The following SLC24A2 variants were observed in gnomAD, a reference collection of about 807,000 sequenced individuals.
SLC24A2 encodes sodium/potassium/calcium exchanger 2.
Under a neutral mutation model 62.0 loss-of-function variants are expected in SLC24A2, and 36 were observed. That is an observed-to-expected ratio of 0.58 (90% confidence interval 0.44 to 0.77). SLC24A2 has a LOEUF of 0.77. SLC24A2 is among the 30% of genes least tolerant of loss of function. The probability of loss-of-function intolerance (pLI) is 0.00; values close to 1 mark genes in which losing one functional copy is unlikely to be tolerated. For synonymous variants in SLC24A2, 358 were observed against 294.0 expected (o/e 1.22, Z -2.23); for missense variants, 846 against 817.9 (o/e 1.03, Z -0.42).
At chr9:19,579,232 T>G (rs4977566) in intron 5 of SLC24A2, among the ~76,000 whole-genome samples, 140,038 of 152,020 alleles carry the variant, frequency 0.92, 64,558 homozygotes, top group East Asian at 1. Context: ...AAAGGAAAAA[T>G]AGAGAAAAAG....
chr9:20,228,690 T>C, the SLC24A2 span, among the ~76,000 whole-genome samples: 1 of 152,202 alleles, frequency 6.6e-6, no homozygotes, highest in Non-Finnish European at 1.5e-5. Flanking sequence ...AAAGCAAAGA[T>C]TGTGATGACC....
At chr9:19,993,084 A>C in the SLC24A2 span, among the ~76,000 whole-genome samples, 2 of 152,184 alleles carry the variant, frequency 1.3e-5, no homozygotes, top group African/African-American at 4.8e-5. Context: ...CAACCCCATA[A>C]GGTAGCATCA....
At chr9:20,270,365 G>A in the SLC24A2 span, among the ~76,000 whole-genome samples, 1 of 152,140 alleles carries the variant, frequency 6.6e-6, no homozygotes, top group African/African-American at 2.4e-5. Context: ...GGGAATAATG[G>A]TAAGGAGTTT....
At chr9:19,531,303 T>C (rs1451221418) in intron 8 of SLC24A2, among the ~76,000 whole-genome samples, 3 of 152,206 alleles carry the variant, frequency 2.0e-5, no homozygotes, top group Non-Finnish European at 2.9e-5. Flanking sequence ...CTCTGCCCAG[T>C]AGCAACTGTA....
chr9:20,074,362 TC>T, the SLC24A2 span, among the ~76,000 whole-genome samples: 1 of 151,900 alleles, frequency 6.6e-6, no homozygotes, highest in Admixed American at 6.6e-5. Context: ...TGACATGGCA[TC>T]ATTGCTCAAT....
intron 8 of SLC24A2, among the ~76,000 whole-genome samples, chr9:19,548,961 TAAG>T (rs1274487264): frequency 6.6e-6 from 1 of 152,288 alleles, no homozygotes; most frequent in East Asian, 1.9e-4. Flanking sequence ...GGTCCTATAC[TAAG>T]AAGTAGAGCT....
chr9:19,720,574 G>T (rs1045735099), intron 2 of SLC24A2, among the ~76,000 whole-genome samples: 20 of 152,118 alleles, frequency 1.3e-4, no homozygotes, highest in Non-Finnish European at 4.4e-5. Context: ...ACTGCTAGAA[G>T]AAAGCTGTAG....
At chr9:19,682,983 A>C (rs1390452173) in intron 2 of SLC24A2, among the ~76,000 whole-genome samples, 1 of 152,184 alleles carries the variant, frequency 6.6e-6, no homozygotes, top group Non-Finnish European at 1.5e-5. Flanking sequence ...AAAGGTTTAG[A>C]GTAAAAAATA....
chr9:20,043,285 T>C, the SLC24A2 span, among the ~76,000 whole-genome samples: 3 of 152,202 alleles, frequency 2.0e-5, no homozygotes, highest in East Asian at 3.9e-4. Flanking sequence ...ATTACCTATA[T>C]GGAGATATAC....
rs1412511176 is a variant in SLC24A2 at position 19,508,058 on chromosome 9, C to T, written c.*8095G>A. The stretch of plus-strand genomic sequence containing the variant: ...CTCTTGCTTTTAGTGCTAGCAGCAA[C>T]TTCACTGAATCAGGAAGGTAGCTTT... On this transcript the variant is annotated 3_prime_UTR_variant, in exon 11 of 11. Transcript: ENST00000341998. 1 of 152,242 alleles carries T rather than the reference C, an allele frequency of 6.6e-6. No homozygotes were observed. The highest frequency in any genetic ancestry group is 1.5e-5 in the Non-Finnish European group (1 of 68,040). 9.4% of individuals were successfully genotyped at this position (152,242 alleles called of 1,614,324 possible).
At chr9:19,615,870 C>T (rs1817754145) in intron 4 of SLC24A2, among the ~76,000 whole-genome samples, 1 of 152,090 alleles carries the variant, frequency 6.6e-6, no homozygotes, top group African/African-American at 2.4e-5. Context: ...CAAAACATAA[C>T]CTCTTCTCCA....
chr9:19,687,449 G>A (rs1819916539), intron 2 of SLC24A2, among the ~76,000 whole-genome samples: 1 of 152,038 alleles, frequency 6.6e-6, no homozygotes, highest in African/African-American at 2.4e-5. Flanking sequence ...AAATCAATTA[G>A]GGAGCAAACA....
chr9:19,926,223 T>G, the SLC24A2 span: 1 of 152,390 alleles, frequency 6.6e-6, no homozygotes, highest in Non-Finnish European at 1.5e-5. Flanking sequence ...CCTTTCTCCC[T>G]GCAGGGTGGG....
chr9:20,215,137 C>T, the SLC24A2 span, among the ~76,000 whole-genome samples: 2 of 152,178 alleles, frequency 1.3e-5, no homozygotes, highest in African/African-American at 4.8e-5. Flanking sequence ...AGTCAGTTGC[C>T]TGGTTCATAG....
intron 7 of SLC24A2, among the ~76,000 whole-genome samples, chr9:19,551,343 G>A (rs922573576): frequency 6.6e-6 from 1 of 152,230 alleles, no homozygotes; most frequent in African/African-American, 2.4e-5. Context: ...CCAATGGCCA[G>A]CGTTTTATTT....
the SLC24A2 span, among the ~76,000 whole-genome samples, chr9:19,866,245 T>C: frequency 2.6e-5 from 4 of 152,212 alleles, no homozygotes; most frequent in Non-Finnish European, 5.9e-5. Flanking sequence ...TCATACACTG[T>C]TGGTGCGAAT....
the SLC24A2 span, among the ~76,000 whole-genome samples, chr9:20,135,910 T>C: frequency 6.6e-6 from 1 of 152,074 alleles, no homozygotes; most frequent in South Asian, 2.1e-4. Context: ...CCACTCAAAA[T>C]TGGTGTTGGA....
At chr9:20,266,882 C>A in the SLC24A2 span, among the ~76,000 whole-genome samples, 1 of 151,790 alleles carries the variant, frequency 6.6e-6, no homozygotes, top group Non-Finnish European at 1.5e-5. Context: ...GTTTGAGACC[C>A]ACCTGGTCAA....
At chr9:20,069,354 G>C in the SLC24A2 span, among the ~76,000 whole-genome samples, 2 of 152,142 alleles carry the variant, frequency 1.3e-5, no homozygotes, top group Non-Finnish European at 2.9e-5. Context: ...TGGTCTTTCA[G>C]TAATCTTCCC....
Sources: allele counts gnomAD v4.1 joint callset (sites outside exome capture counted in the v4.1 genomes callset), GRCh38; gene constraint gnomAD v4.1.1; transcripts MANE v1.5; gene names NCBI Gene and HGNC (gene_info 2026-07-23, HGNC 2026-07-21).